OR4F5: variants seen among roughly 807,000 people sequenced by gnomAD.
OR4F5 encodes the protein olfactory receptor 4F5.
In OR4F5, 1 loss-of-function variant was observed where a neutral mutation model predicts 5.8. That is an observed-to-expected ratio of 0.17 (90% confidence interval 0.06 to 0.82). The LOEUF (loss-of-function observed/expected upper bound fraction) is 0.82, where lower values mean the gene tolerates loss of function less well. Among genes scored for constraint, OR4F5 ranks in the 40% least tolerant of loss-of-function variants. The pLI is 0.72. For synonymous variants in OR4F5, 18 were observed against 63.7 expected (o/e 0.28, Z 3.42); for missense variants, 47 against 175.5 (o/e 0.27, Z 4.14).
At chr1:66,430 T>C (rs1180098097) in intron 2 of OR4F5, among the ~76,000 whole-genome samples, 1 of 63,836 alleles carries the variant, frequency 1.6e-5, no homozygotes, top group Non-Finnish European at 3.3e-5. Flanking sequence ...ATTATATAAA[T>C]ATATATTATA....
chr1:66,262 TAA>T (rs1639937175), intron 2 of OR4F5, among the ~76,000 whole-genome samples: 1 of 16,970 alleles, frequency 5.9e-5, no homozygotes, highest in African/African-American at 2.1e-4. Context: ...ATATATAATA[TAA>T]ATATAATATA....
chr1:66,442 T>TATATATA (rs1639945134), intron 2 of OR4F5, among the ~76,000 whole-genome samples: 1 of 25,982 alleles, frequency 3.8e-5, no homozygotes, highest in Non-Finnish European at 7.5e-5. Context: ...TATATTATAT[T>TATATATA]ATATAATATA....
At position 68,050 on chromosome 1, in the gene OR4F5, C is replaced by T. The variant is rs1290539137; in HGVS notation, c.10-987C>T. Among the ~76,000 whole-genome samples the T allele has an allele frequency of 6.9e-5, 3 of 43,452 alleles. No individual in the cohort carries two copies. In the Admixed American group the frequency reaches 8.0e-4, roughly 12 times the overall value. 28.5% of individuals were successfully genotyped at this position (43,452 alleles called of 152,430 possible). A position where few individuals can be genotyped will look rare whatever the true frequency, so the allele number is the denominator to read the frequency against. On this transcript the variant is annotated intron_variant, in intron 2 of 2. Coordinates refer to ENST00000641515, the MANE Select transcript of OR4F5 (RefSeq NM_001005484.2). ...TACTATTTGCTAGAAAATTTATATA[C>T]CTGGTCGTATCCAATCCTCACAGAA... is the stretch of plus-strand genomic sequence containing the variant.
At chr1:66,550 C>T (rs1250288470) in intron 2 of OR4F5, among the ~76,000 whole-genome samples, 15 of 60,038 alleles carry the variant, frequency 2.5e-4, no homozygotes, top group Admixed American at 5.5e-4. Flanking sequence ...TTATATATAA[C>T]ATATATTATT....
chr1:66,148 G>T (rs1639932983), intron 2 of OR4F5, among the ~76,000 whole-genome samples: 1 of 99,946 alleles, frequency 1.0e-5, no homozygotes, highest in Non-Finnish European at 2.2e-5. Context: ...TTACTATAAG[G>T]ACATAAGGCA....
chr1:66,598 TTATATATTATATAAATA>T (rs1553122210), intron 2 of OR4F5, among the ~76,000 whole-genome samples: 3 of 89,324 alleles, frequency 3.4e-5, no homozygotes, highest in East Asian at 2.3e-4. Context: ...ATAAATATAT[TTATATATTATATAAATA>T]TATATATTAT....
At chr1:66,359 T>TA (rs1553122163) in intron 2 of OR4F5, among the ~76,000 whole-genome samples, 1 of 19,850 alleles carries the variant, frequency 5.0e-5, no homozygotes, top group Non-Finnish European at 1.6e-4. Flanking sequence ...TAATATATAT[T>TA]ATATAAATAT....
intron 2 of OR4F5, among the ~76,000 whole-genome samples, chr1:66,512 AATATATATT>A (rs1445581554): frequency 9.2e-5 from 7 of 76,074 alleles, no homozygotes; most frequent in Admixed American, 4.3e-4. Context: ...TTTATTATAT[AATATATATT>A]ATATAATATA....
chr1:66,260 TATAAA>T (rs1557435295), intron 2 of OR4F5, among the ~76,000 whole-genome samples: 700 of 29,924 alleles, frequency 0.023, 155 homozygotes, highest in Non-Finnish European at 0.032. Flanking sequence ...TAATATATAA[TATAAA>T]TATAATATAA....
chr1:66,793 A>C (rs1236142540), intron 2 of OR4F5, among the ~76,000 whole-genome samples: 1 of 110,828 alleles, frequency 9.0e-6, no homozygotes, highest in African/African-American at 2.7e-5. Context: ...CAATTCTTCT[A>C]ATTTTTTTTG....
intron 2 of OR4F5, among the ~76,000 whole-genome samples, chr1:68,199 G>C (rs1034541189): frequency 1.3e-5 from 1 of 78,068 alleles, no homozygotes; most frequent in African/African-American, 3.3e-5. Context: ...TTGAACACAG[G>C]CCTCCTAGCA....
In OR4F5 at chr1:69,571, T is replaced by C. The variant is rs1434163917; in HGVS notation, c.544T>C (p.Phe182Leu). ...SQLAFAVHLL[F>L]CGPNEVDSFY... The stretch of plus-strand genomic sequence containing the variant: ...GTTGGCGTTTGCCGTGCACTTACTC[T>C]TCTGTGGTCCCAATGAGGTCGATAG... The change falls in exon 3 of 3, where the codon TTC becomes CTC. Residue 182 changes from phenylalanine (F) to leucine (L), a missense_variant. By Grantham distance (22) the Phe-to-Leu change is conservative (BLOSUM62 0). Transcript: ENST00000641515. The C allele has an allele frequency of 2.9e-6, 3 of 1,046,150 alleles. 1 individual carries two copies. The Admixed American group carries it at 7.3e-5, about 25-fold the overall frequency. The allele number at this position is 1,046,150 out of a possible 1,614,324, so 64.8% of individuals were successfully genotyped here.
intron 2 of OR4F5, among the ~76,000 whole-genome samples, chr1:66,282 T>TA (rs1328199797): frequency 1.5e-4 from 4 of 26,512 alleles, no homozygotes; most frequent in African/African-American, 2.3e-4. Flanking sequence ...ATAAATTATA[T>TA]TATATAATAT....
intron 2 of OR4F5, among the ~76,000 whole-genome samples, chr1:66,442 T>A (rs192044252): frequency 2.0e-3 from 51 of 25,818 alleles, no homozygotes; most frequent in African/African-American, 3.1e-3. Flanking sequence ...TATATTATAT[T>A]ATATAATATA....
rs1267972755 is a variant in OR4F5, at chr1:67,231, G to C, written c.9+1658G>C. On this transcript the variant is annotated intron_variant, in intron 2 of 2. Coordinates refer to ENST00000641515, the MANE Select transcript of OR4F5 (RefSeq NM_001005484.2). ...ATGATTATATTTATTACCGTGCTAAGCAGAAGAGAAATGAAGTGAATGTTC... is the reference window on the plus strand; with the variant it reads ...ATGATTATATTTATTACCGTGCTAACCAGAAGAGAAATGAAGTGAATGTTC... Among the ~76,000 whole-genome samples the C allele has an allele frequency of 2.4e-4, 28 of 117,734 alleles. 2 individuals carry two copies. Among genetic ancestry groups the C allele is most frequent in the African/African-American group, 7.1e-4 (27 of 38,292 alleles). 77.2% of individuals were successfully genotyped at this position (117,734 alleles called of 152,430 possible).
At chr1:66,408 A>G (rs1639943784) in intron 2 of OR4F5, among the ~76,000 whole-genome samples, 1 of 85,428 alleles carries the variant, frequency 1.2e-5, no homozygotes, top group African/African-American at 4.2e-5. Context: ...ATTATATAAT[A>G]TAATATATTT....
chr1:66,576 A>G (rs1302966759), intron 2 of OR4F5, among the ~76,000 whole-genome samples: 3 of 53,162 alleles, frequency 5.6e-5, no homozygotes, highest in African/African-American at 1.4e-4. Context: ...AAATATGTAT[A>G]ATATATATTA....
chr1:69,577 G>C lies in OR4F5; in HGVS notation c.550G>C (p.Gly184Arg). The C allele has an allele frequency of 1.9e-6, 2 of 1,045,728 alleles. 1 individual carries two copies. Among genetic ancestry groups the C allele is most frequent in the Non-Finnish European group, 2.7e-6 (2 of 745,212 alleles). The allele number at this position is 1,045,728 out of a possible 1,614,324, so 64.8% of individuals were successfully genotyped here. A position where few individuals can be genotyped will look rare whatever the true frequency, so the allele number is the denominator to read the frequency against. Residue 184 changes from glycine (G) to arginine (R), a missense_variant, in exon 3 of 3, where the codon GGT (glycine) becomes CGT (arginine). By Grantham distance (125) the Gly-to-Arg change is moderately radical. Transcript: ENST00000641515. ...GTTTGCCGTGCACTTACTCTTCTGT[G>C]GTCCCAATGAGGTCGATAGTTTTTA... ...LAFAVHLLFC[G>R]PNEVDSFYCD... is the part of the protein sequence containing the mutation.
intron 2 of OR4F5, among the ~76,000 whole-genome samples, chr1:66,901 G>A (rs1299996347): frequency 1.4e-4 from 15 of 105,710 alleles, no homozygotes; most frequent in African/African-American, 3.6e-4. Flanking sequence ...TCTTAACTAC[G>A]TTAGCAAGAA....
Sources: allele counts gnomAD v4.1 joint callset (sites outside exome capture counted in the v4.1 genomes callset), GRCh38; gene constraint gnomAD v4.1.1; transcripts MANE v1.5; gene names NCBI Gene and HGNC (gene_info 2026-07-23, HGNC 2026-07-21).